ERBB4: variants seen among roughly 807,000 people sequenced by gnomAD.
ERBB4 encodes the protein receptor tyrosine-protein kinase erbB-4.
In ERBB4, 42 loss-of-function variants were observed where a neutral mutation model predicts 158.0. That is an observed-to-expected ratio of 0.27 (90% CI 0.21 to 0.34). ERBB4 has a LOEUF of 0.34. Among genes scored for constraint, ERBB4 ranks in the 10% least tolerant of loss-of-function variants. The pLI, the probability that ERBB4 is intolerant of heterozygous loss-of-function variation, is 1.00. For synonymous variants in ERBB4, 583 were observed against 558.7 expected (o/e 1.04, Z -0.61); for missense variants, 1,333 against 1,624.1 (o/e 0.82, Z 3.08).
Position 211,725,078 on chromosome 2 carries a change from A to T in ERBB4, c.739T>A (p.Phe247Ile). 1 of 1,586,862 alleles carries T rather than the reference A, an allele frequency of 6.3e-7. No individual in the cohort carries two copies. The highest frequency in any genetic ancestry group is 1.1e-5 in the South Asian group (1 of 90,538). Reference protein sequence around the residue: ...GCSGPKDTDCFACMNFNDSGA... With the variant: ...GCSGPKDTDCIACMNFNDSGA... The stretch of plus-strand genomic sequence containing the variant: ...AAAGAGAGAAATCACAGACATACAA[A>T]GCAGTCTGTGTCCTTAGGTCCTGAG... Residue 247 changes from phenylalanine (F) to isoleucine (I), a missense_variant and splice_region_variant, in exon 6 of 28, where the codon TTT (phenylalanine) becomes ATT (isoleucine). Physicochemically the swap from Phe to Ile is conservative, Grantham distance 21 (BLOSUM62 0). Transcript: ENST00000342788.
intron 1 of ERBB4, among the ~76,000 whole-genome samples, chr2:212,481,001 G>A (rs1261562570): frequency 2.0e-5 from 3 of 152,064 alleles, no homozygotes; most frequent in African/African-American, 7.2e-5. Context: ...GTATGCTGAT[G>A]TAAAGTCACT....
intron 3 of ERBB4, among the ~76,000 whole-genome samples, chr2:211,924,792 T>C (rs940181988): frequency 1.4e-4 from 22 of 152,154 alleles, no homozygotes; most frequent in Admixed American, 6.6e-5. Flanking sequence ...ATATAGCTTT[T>C]TTAATATAAA....
At chr2:211,770,081 C>A (rs1457403000) in intron 4 of ERBB4, among the ~76,000 whole-genome samples, 1 of 152,164 alleles carries the variant, frequency 6.6e-6, no homozygotes, top group African/African-American at 2.4e-5. Context: ...AACCTCTACG[C>A]CTAATTCTTC....
chr2:211,690,939 G>A (rs938031552), intron 12 of ERBB4, among the ~76,000 whole-genome samples: 18 of 152,124 alleles, frequency 1.2e-4, no homozygotes, highest in African/African-American at 4.3e-4. Context: ...AATTCCAGCT[G>A]TCTGTTAAAA....
chr2:211,665,791 T>C (rs897095368), intron 14 of ERBB4, among the ~76,000 whole-genome samples: 2 of 152,218 alleles, frequency 1.3e-5, no homozygotes, highest in African/African-American at 2.4e-5. Context: ...GACTCTAATG[T>C]GACTTAATTT....
At chr2:211,713,024 T>C (rs1278378189) in intron 8 of ERBB4, among the ~76,000 whole-genome samples, 2 of 152,216 alleles carry the variant, frequency 1.3e-5, no homozygotes, top group Non-Finnish European at 2.9e-5. Flanking sequence ...TAAAATTCTA[T>C]GGCATGAATT....
intron 2 of ERBB4, among the ~76,000 whole-genome samples, chr2:212,106,862 C>T (rs2079244335): frequency 6.6e-6 from 1 of 152,222 alleles, no homozygotes; most frequent in Admixed American, 6.5e-5. Flanking sequence ...AAGCCCCAAG[C>T]CTTGGTAGCA....
At chr2:211,644,592 T>C (rs538006901) in intron 16 of ERBB4, among the ~76,000 whole-genome samples, 4 of 152,148 alleles carry the variant, frequency 2.6e-5, no homozygotes, top group South Asian at 2.1e-4. Flanking sequence ...CACATCTACA[T>C]GAAACATTCT....
At chr2:212,003,120 G>A (rs5005261) in intron 2 of ERBB4, among the ~76,000 whole-genome samples, 497 of 15,986 alleles carry the variant, frequency 0.031, 9 homozygotes, top group East Asian at 0.049. Context: ...AAAGAAGGAA[G>A]GAAGGAAGGA....
chr2:212,204,232 C>T (rs1429162474), intron 1 of ERBB4, among the ~76,000 whole-genome samples: 1 of 152,174 alleles, frequency 6.6e-6, no homozygotes, highest in Non-Finnish European at 1.5e-5. Flanking sequence ...TTATTTCTCA[C>T]ATTGCTAATT....
chr2:212,520,951 A>C (rs988857319), intron 1 of ERBB4, among the ~76,000 whole-genome samples: 1 of 151,956 alleles, frequency 6.6e-6, no homozygotes, highest in Admixed American at 6.6e-5. Context: ...GAAAAACTGT[A>C]ATATAGGGAA....
chr2:211,424,190 A>C lies in ERBB4; in HGVS notation c.2831T>G (p.Ile944Ser). 6.2e-7 allele frequency: 1 copy of C among 1,613,362 alleles called. No individual in the cohort carries two copies. Among genetic ancestry groups the C allele is most frequent in the East Asian group, 2.2e-5 (1 of 44,840 alleles). Residue 944 changes from isoleucine (I) to serine (S), a missense_variant, in exon 23 of 28, where the codon ATC becomes AGC. Transcript: ENST00000342788. ...EKGERLPQPP[I>S]CTIDVYMVMV... ...GACCATGTAAACGTCAATAGTGCAG[A>C]TGGGAGGCTGAGGCAAACGTTCTCC...
intron 1 of ERBB4, among the ~76,000 whole-genome samples, chr2:212,237,186 C>A (rs1426922668): frequency 6.6e-6 from 1 of 152,154 alleles, no homozygotes; most frequent in Admixed American, 6.6e-5. Flanking sequence ...AGCCTTTCTG[C>A]GCTAGTTTTT....
rs570728666 is a variant in ERBB4 at position 211,427,809 on chromosome 2, A to G, written c.2719+599T>C. ...AAAATTAACACCATGAAATTCTATG[A>G]AATTGTCCCTAAACTAAAATTGGCT... On this transcript the variant is annotated intron_variant, in intron 22 of 27. Coordinates refer to ENST00000342788, the MANE Select transcript of ERBB4 (RefSeq NM_005235.3). Among the ~76,000 whole-genome samples, 265 of 150,754 alleles carry G rather than the reference A, an allele frequency of 1.8e-3. 2 individuals carry two copies. The highest frequency in any genetic ancestry group is 6.2e-3 in the African/African-American group (258 of 41,342).
rs2063646724 is a variant in ERBB4, at chr2:211,427,162, T to TA, written c.2719+1245dup. Among the ~76,000 whole-genome samples, 2 of 152,146 alleles carry TA rather than the reference T, an allele frequency of 1.3e-5. 1 individual carries two copies. The highest frequency in any genetic ancestry group is 2.9e-5 in the Non-Finnish European group (2 of 67,982). On this transcript the variant is annotated intron_variant, in intron 22 of 27. Coordinates refer to ENST00000342788, the MANE Select transcript of ERBB4 (RefSeq NM_005235.3). ...TCTTAAATACTTTTTTAAAGATAGTTAATTTTTTCCTAGATAAGAATTGTA... is the reference window on the plus strand; with the variant it reads ...TCTTAAATACTTTTTTAAAGATAGTTAAATTTTTTCCTAGATAAGAATTGTA...
rs878992005 is a variant in ERBB4 at position 211,619,176 on chromosome 2, C to T, written c.2301+1G>A. The T allele has an allele frequency of 1.9e-6, 3 of 1,564,028 alleles. No homozygotes were observed. The highest frequency in any genetic ancestry group is 2.2e-5 in the East Asian group (1 of 44,606). On this transcript the variant is annotated splice_donor_variant, in intron 19 of 27. Coordinates refer to ENST00000342788, the MANE Select transcript of ERBB4 (RefSeq NM_005235.3). LOFTEE classifies it high-confidence loss of function. ...GTGATTGCCTGGGTGTCTGTACTTA[C>T]ATCCATGAACTCCACATTTGCCTTG...
intron 15 of ERBB4, among the ~76,000 whole-genome samples, chr2:211,662,253 C>A (rs1044346325): frequency 1.3e-5 from 2 of 151,804 alleles, no homozygotes; most frequent in African/African-American, 4.8e-5. Context: ...TAAATGAGCA[C>A]ATACTCAAGT....
intron 20 of ERBB4, among the ~76,000 whole-genome samples, chr2:211,520,134 G>A (rs2066148436): frequency 6.6e-6 from 1 of 152,006 alleles, no homozygotes; most frequent in African/African-American, 2.4e-5. Context: ...TTTTTTGAAA[G>A]GTATGTAATG....
chr2:212,290,515 G>A (rs17418591), intron 1 of ERBB4, among the ~76,000 whole-genome samples: 3,654 of 152,254 alleles, frequency 0.024, 60 homozygotes, highest in Non-Finnish European at 0.036. Context: ...CTGTGCCCTA[G>A]GGAAGGGAAG....
Sources: allele counts gnomAD v4.1 joint callset (sites outside exome capture counted in the v4.1 genomes callset), GRCh38; gene constraint gnomAD v4.1.1; transcripts MANE v1.5; gene names NCBI Gene and HGNC (gene_info 2026-07-23, HGNC 2026-07-21).